Variants in RANBP2 observed in about 807,000 individuals in gnomAD.
The protein encoded by RANBP2 is RAN binding protein 2.
Under a neutral mutation model 303.6 loss-of-function variants are expected in RANBP2, and 57 were observed. The ratio of observed to expected loss-of-function variants is 0.19; its 90% CI spans 0.15 to 0.23. The LOEUF is 0.23. RANBP2 is among the 10% of genes least tolerant of loss of function. The pLI, the probability that RANBP2 is intolerant of heterozygous loss-of-function variation, is 1.00. For missense variants in RANBP2, 3,138 were observed against 3,780.8 expected (o/e 0.83, Z 4.46); for synonymous variants, 1,167 against 1,301.5 (o/e 0.90, Z 2.23).
the RANBP2 span, among the ~76,000 whole-genome samples, chr2:109,586,358 T>G: frequency 6.6e-6 from 1 of 152,174 alleles, no homozygotes; most frequent in Non-Finnish European, 1.5e-5. Flanking sequence ...CTGGACAGAA[T>G]AAGACTTGAG....
At chr2:109,578,610 T>C in the RANBP2 span, among the ~76,000 whole-genome samples, 2 of 151,826 alleles carry the variant, frequency 1.3e-5, no homozygotes, top group African/African-American at 2.4e-5. Context: ...CTACTAAAAA[T>C]ACAAAAATTA....
At chr2:109,499,033 G>A in the RANBP2 span, among the ~76,000 whole-genome samples, 2 of 152,270 alleles carry the variant, frequency 1.3e-5, no homozygotes, top group South Asian at 4.1e-4. Context: ...TGAGAGGGAT[G>A]GGGACTGCTG....
chr2:109,161,322 A>G, the RANBP2 span, among the ~76,000 whole-genome samples: 1 of 152,028 alleles, frequency 6.6e-6, no homozygotes, highest in African/African-American at 2.4e-5. Flanking sequence ...GGTGGGGCTA[A>G]GTGTGGTATG....
At chr2:109,600,816 G>C in the RANBP2 span, among the ~76,000 whole-genome samples, 1 of 152,146 alleles carries the variant, frequency 6.6e-6, no homozygotes, top group Non-Finnish European at 1.5e-5. Context: ...TCTAACAAAT[G>C]GCTAGAAATC....
the RANBP2 span, among the ~76,000 whole-genome samples, chr2:108,972,462 C>A: frequency 6.6e-6 from 1 of 152,228 alleles, no homozygotes; most frequent in Non-Finnish European, 1.5e-5. Flanking sequence ...CCAGACACTG[C>A]CCTTTCCAAT....
In RANBP2 at chr2:108,783,915, C is replaced by A; in HGVS notation, c.*14C>A. ...GGACAGATATAAAATCATTGTTGTTCATAGAAAATTTCATCTGTATAAGCA... is the reference window on the plus strand; with the variant it reads ...GGACAGATATAAAATCATTGTTGTTAATAGAAAATTTCATCTGTATAAGCA... On this transcript the variant is annotated 3_prime_UTR_variant, in exon 29 of 29. Transcript: ENST00000283195. 4 of 1,598,368 alleles carry A rather than the reference C, an allele frequency of 2.5e-6. No homozygotes were observed. In the South Asian group the frequency reaches 3.3e-5, roughly 13 times the overall value.
At chr2:109,325,611 AACTC>A in the RANBP2 span, among the ~76,000 whole-genome samples, 6 of 152,026 alleles carry the variant, frequency 3.9e-5, no homozygotes, top group Non-Finnish European at 8.8e-5. Context: ...ACAGTTACAG[AACTC>A]ACTCACCACT....
chr2:109,249,395 C>CT, the RANBP2 span, among the ~76,000 whole-genome samples: 33 of 152,202 alleles, frequency 2.2e-4, no homozygotes, highest in Non-Finnish European at 1.5e-4. Context: ...AACCAAAGCT[C>CT]AGAGGATCTG....
chr2:109,428,889 C>T, the RANBP2 span, among the ~76,000 whole-genome samples: 14 of 152,176 alleles, frequency 9.2e-5, no homozygotes, highest in African/African-American at 3.4e-4. Context: ...GCCCTGCTAC[C>T]TGCAGGTGCT....
the RANBP2 span, among the ~76,000 whole-genome samples, chr2:109,302,890 T>G: frequency 2.0e-5 from 3 of 152,168 alleles, no homozygotes; most frequent in Non-Finnish European, 4.4e-5. Context: ...GTTTGTTTGT[T>G]TTTTGAGGCA....
the RANBP2 span, among the ~76,000 whole-genome samples, chr2:109,532,226 C>T: frequency 1.3e-5 from 2 of 152,252 alleles, no homozygotes; most frequent in African/African-American, 4.8e-5. Flanking sequence ...GAAGCATCCC[C>T]TGCAAGGGAG....
At chr2:109,235,476 C>T in the RANBP2 span, among the ~76,000 whole-genome samples, 1 of 152,224 alleles carries the variant, frequency 6.6e-6, no homozygotes, top group Non-Finnish European at 1.5e-5. Context: ...TATTAACCCT[C>T]ATGCCAGGAC....
At chr2:109,060,317 C>G in the RANBP2 span, among the ~76,000 whole-genome samples, 1 of 152,140 alleles carries the variant, frequency 6.6e-6, no homozygotes, top group Non-Finnish European at 1.5e-5. Context: ...CTCCTGGACT[C>G]GATCTCCTGG....
the RANBP2 span, among the ~76,000 whole-genome samples, chr2:109,275,505 A>G: frequency 1.3e-5 from 2 of 152,122 alleles, no homozygotes; most frequent in African/African-American, 4.8e-5. Context: ...TGGGTTGTAG[A>G]TTGTTCCCGA....
the RANBP2 span, among the ~76,000 whole-genome samples, chr2:109,548,972 CAG>C: frequency 2.6e-5 from 4 of 152,124 alleles, no homozygotes; most frequent in Non-Finnish European, 5.9e-5. Context: ...AAGGTTAAAA[CAG>C]ATAATCGATT....
At chr2:109,729,225 T>TA in the RANBP2 span, among the ~76,000 whole-genome samples, 1 of 152,228 alleles carries the variant, frequency 6.6e-6, no homozygotes, top group Non-Finnish European at 1.5e-5. Flanking sequence ...AAAGGAACTC[T>TA]ATTTTGTAGA....
the RANBP2 span, among the ~76,000 whole-genome samples, chr2:109,064,449 C>G: frequency 4.4e-5 from 3 of 68,354 alleles, no homozygotes; most frequent in East Asian, 4.7e-4. Context: ...GAGCAAGACT[C>G]TGTCTCAAAA....
At chr2:109,467,457 G>A in the RANBP2 span, among the ~76,000 whole-genome samples, 17 of 152,198 alleles carry the variant, frequency 1.1e-4, no homozygotes, top group African/African-American at 1.9e-4. Context: ...AAAGCAGCTC[G>A]GGGGTTTCCT....
At chr2:109,625,946 G>A in the RANBP2 span, among the ~76,000 whole-genome samples, 1 of 152,156 alleles carries the variant, frequency 6.6e-6, no homozygotes, top group Non-Finnish European at 1.5e-5. Flanking sequence ...CTAGATCTGT[G>A]GTGTTCCCTT....
Sources: allele counts gnomAD v4.1 joint callset (sites outside exome capture counted in the v4.1 genomes callset), GRCh38; gene constraint gnomAD v4.1.1; transcripts MANE v1.5; gene names NCBI Gene and HGNC (gene_info 2026-07-23, HGNC 2026-07-21).